The following ZNF142 variants were observed in gnomAD, a reference collection of about 807,000 sequenced individuals.
ZNF142 encodes zinc finger protein 142 (clone pHZ-49).
A neutral mutation model predicts 132.1 loss-of-function variants in ZNF142; 96 were observed. The observed-to-expected ratio is 0.73, with a 90% CI of 0.62 to 0.86. The LOEUF (loss-of-function observed/expected upper bound fraction) is 0.86, where lower values mean the gene tolerates loss of function less well. ZNF142 is among the 40% of genes least tolerant of loss of function. ZNF142 has a pLI of 0.00. For synonymous variants in ZNF142, 842 were observed against 890.1 expected (o/e 0.95, Z 0.96); for missense variants, 2,163 against 2,336.2 (o/e 0.93, Z 1.53).
At position 218,636,720 on chromosome 2, in the gene ZNF142, C is replaced by A; in HGVS notation, c.*1619G>T. 1 of 868,326 alleles carries A rather than the reference C, an allele frequency of 1.2e-6. No individual in the cohort carries two copies. Among genetic ancestry groups the A allele is most frequent in the Non-Finnish European group, 1.8e-6 (1 of 553,058 alleles). The allele number at this position is 868,326 out of a possible 1,614,324, so 53.8% of individuals were successfully genotyped here. ...TAGGCACAAAATTACCTCATTCTTC[C>A]TAACAAGCAATCTGGGACCTGATTT... On this transcript the variant is annotated 3_prime_UTR_variant, in exon 11 of 11. Transcript: ENST00000411696.
chr2:218,641,126 A>G (rs1444019227), intron 9 of ZNF142, among the ~76,000 whole-genome samples: 4 of 152,128 alleles, frequency 2.6e-5, no homozygotes, highest in Admixed American at 1.3e-4. Flanking sequence ...TTTTGTAAAG[A>G]CAGAGTCTCC....
chr2:218,649,875 C>T (rs1353977419), intron 6 of ZNF142, among the ~76,000 whole-genome samples: 1 of 152,200 alleles, frequency 6.6e-6, no homozygotes, highest in East Asian at 1.9e-4. Context: ...CTTACTGGCT[C>T]ACAGGCTCTA....
chr2:218,652,167 T>TG lies in ZNF142; in HGVS notation c.413dup (p.Cys139MetfsTer24), dbSNP rs1433189802. The TG allele has an allele frequency of 2.2e-6, 1 of 454,480 alleles. No individual in the cohort carries two copies. The highest frequency in any genetic ancestry group is 4.4e-6 in the Non-Finnish European group (1 of 225,640). 28.2% of individuals were successfully genotyped at this position (454,480 alleles called of 1,614,324 possible). On this transcript the variant is annotated frameshift_variant, in exon 5 of 11. Coordinates refer to ENST00000411696, the MANE Select transcript of ZNF142 (RefSeq NM_001379659.1). LOFTEE classifies it high-confidence loss of function. ...TGCTGGGAGGCAGCTCTACAGAGCA[T>TG]GGGGGGCTAGAGAGGCCCTGCACAG...
intron 4 of ZNF142, 41 bp downstream of exon 4, chr2:218,656,109 A>G (rs757282248): frequency 6.8e-7 from 1 of 1,462,766 alleles, no homozygotes; most frequent in African/African-American, 1.4e-5. Flanking sequence ...AAAACCTCAG[A>G]GCTGCTTGTC....
At chr2:218,650,297 C>A (rs1937859112) in intron 6 of ZNF142, 62 bp downstream of exon 6, 5 of 1,601,182 alleles carry the variant, frequency 3.1e-6, no homozygotes, top group Non-Finnish European at 4.3e-6. Flanking sequence ...GCCTCAATGG[C>A]AGGGTTTCAA....
rs1461789243 is a variant in ZNF142 at position 218,659,433 on chromosome 2, G to A, written c.-426C>T. ...CGGCCGCGGCTGGAACGGCCCCCGG[G>A]GCCCGCTTTGTGCGACCGCCTCCGG... On this transcript the variant is annotated 5_prime_UTR_variant, in exon 1 of 11. Coordinates refer to ENST00000411696, the MANE Select transcript of ZNF142 (RefSeq NM_001379659.1). The surrounding 1 kb of genome is among the most constrained non-coding windows in gnomAD (Gnocchi z 4.4). 1 of 152,276 alleles carries A rather than the reference G, an allele frequency of 6.6e-6. No homozygotes were observed. The highest frequency in any genetic ancestry group is 1.5e-5 in the Non-Finnish European group (1 of 68,094). The allele number at this position is 152,276 out of a possible 1,614,324, so 9.4% of individuals were successfully genotyped here.
At position 218,650,520 on chromosome 2, in the gene ZNF142, T is replaced by A. The variant is rs1234609582; in HGVS notation, c.887A>T (p.Lys296Ile). 7.6e-6 allele frequency: 12 copies of A among 1,580,540 alleles called. No homozygotes were observed. In the Admixed American group the frequency reaches 2.2e-4, roughly 29 times the overall value. The change falls in exon 6 of 11, where the codon AAA (lysine) becomes ATA (isoleucine). Residue 296 changes from lysine to isoleucine, a missense_variant. By Grantham distance (102) the Lys-to-Ile change is moderately radical (BLOSUM62 -3). Coordinates refer to ENST00000411696, the MANE Select transcript of ZNF142 (RefSeq NM_001379659.1). ...AGGTTCTCTCTCTCCTGGAGGCAGT[T>A]TGGGAGCTGGAGATACATAAAACTT... ...LPSQELLPAP[K>I]LPPGEREPSQ...
Position 218,638,622 on chromosome 2 carries a change from A to G in ZNF142, c.5381T>C (p.Val1794Ala). Residue 1794 changes from valine (V) to alanine (A), a missense_variant, in exon 11 of 11, where the codon GTG becomes GCG. Transcript: ENST00000411696. Reference protein sequence around the residue: ...LRKHSEAKPYVCNVCHRAFRW... With the variant: ...LRKHSEAKPYACNVCHRAFRW... ...GAAAGCACGGTGGCACACATTGCACACATAGGGTTTGGCCTCACTGTGCTT... is the reference window on the plus strand; with the variant it reads ...GAAAGCACGGTGGCACACATTGCACGCATAGGGTTTGGCCTCACTGTGCTT... The G allele has an allele frequency of 6.2e-7, 1 of 1,614,238 alleles. No individual in the cohort carries two copies. Among genetic ancestry groups the G allele is most frequent in the South Asian group, 1.1e-5 (1 of 91,084 alleles).
In ZNF142 at chr2:218,638,396, C is replaced by G; in HGVS notation, c.5607G>C (p.Gln1869His). 1 of 1,534,968 alleles carries G rather than the reference C, an allele frequency of 6.5e-7. No homozygotes were observed. Among genetic ancestry groups the G allele is most frequent in the East Asian group, 2.3e-5 (1 of 44,052 alleles). Reference sequence around the variant, plus strand: ...GAGCAGGAGGGCTGGGATCCTCCAGCTGCACATCATGCAGGTGCACTGTGG... The same window carrying G: ...GAGCAGGAGGGCTGGGATCCTCCAGGTGCACATCATGCAGGTGCACTGTGG... ...TTPTVHLHDVQLEDPSPPAPA... is the reference protein window; with the variant it reads ...TTPTVHLHDVHLEDPSPPAPA... Residue 1869 changes from glutamine to histidine, a missense_variant, in exon 11 of 11, where the codon CAG (glutamine) becomes CAC (histidine). Transcript: ENST00000411696.
At position 218,643,492 on chromosome 2, in the gene ZNF142, T is replaced by C. The variant is rs1697434658; in HGVS notation, c.3624A>G (p.Gly1208=). 1.2e-6 allele frequency: 2 copies of C among 1,613,792 alleles called. No individual in the cohort carries two copies. Among genetic ancestry groups the C allele is most frequent in the African/African-American group, 2.7e-5 (2 of 74,854 alleles). The stretch of plus-strand genomic sequence containing the variant: ...TCAGGGCCTCTGTGGGTGAGGAGTT[T>C]CCTGCAGGAGGGACTGGGTCAAGGT... ...KHHLDPVPPA[G]NSSPTEALKK... Residue 1208 remains glycine (G), a synonymous_variant, in exon 9 of 11, where the codon GGA becomes GGG. Transcript: ENST00000411696.
rs1417075466 is a variant in ZNF142, at chr2:218,636,006, G to A, written c.*2333C>T. On this transcript the variant is annotated 3_prime_UTR_variant, in exon 11 of 11. Transcript: ENST00000411696. ...TTCCTTCTAGTCTGTCTTCCATTAA[G>A]TATAGCATCTGTTATTGCATGTCCC... The A allele has an allele frequency of 6.2e-7, 1 of 1,600,732 alleles. No individual in the cohort carries two copies. Among genetic ancestry groups the A allele is most frequent in the East Asian group, 2.2e-5 (1 of 44,768 alleles).
chr2:218,634,619 C>T lies in ZNF142; in HGVS notation c.*3720G>A, dbSNP rs558899268. Reference sequence around the variant, plus strand: ...CATCAGCCCTTTCAAAGCCCAGACTCTCTTAATCCAGGTACAGTGGAAATA... The same window carrying T: ...CATCAGCCCTTTCAAAGCCCAGACTTTCTTAATCCAGGTACAGTGGAAATA... On this transcript the variant is annotated 3_prime_UTR_variant, in exon 11 of 11. Transcript: ENST00000411696. This position sits in a 1 kb window ranked among gnomAD's most constrained non-coding sequence, Gnocchi z 4.0. The T allele has an allele frequency of 4.3e-5, 70 of 1,613,618 alleles. No homozygotes were observed. The highest frequency in any genetic ancestry group is 4.3e-4 in the South Asian group (39 of 91,030).
chr2:218,657,933 A>C (rs751188660), intron 3 of ZNF142, among the ~76,000 whole-genome samples: 1 of 152,212 alleles, frequency 6.6e-6, no homozygotes, highest in Admixed American at 6.5e-5. Flanking sequence ...AACGAACACA[A>C]ATCACCCACA....
At chr2:218,657,894 T>C (rs765943613) in intron 3 of ZNF142, among the ~76,000 whole-genome samples, 1 of 152,174 alleles carries the variant, frequency 6.6e-6, no homozygotes, top group Non-Finnish European at 1.5e-5. Flanking sequence ...TTCAATGATA[T>C]TACTTTGTGA....
Position 218,643,108 on chromosome 2 carries a change from G to C in ZNF142, c.4008C>G (p.His1336Gln). The C allele has an allele frequency of 3.7e-6, 6 of 1,612,446 alleles. No individual in the cohort carries two copies. The highest frequency in any genetic ancestry group is 5.1e-6 in the Non-Finnish European group (6 of 1,179,322). ...GCPLEESGELHCSLCPFTAPA... is the reference protein window; with the variant it reads ...GCPLEESGELQCSLCPFTAPA... ...GAGCAGTGAATGGGCAGAGGCTGCAGTGCAGCTCTCCAGACTCCTCGAGGG... is the reference window on the plus strand; with the variant it reads ...GAGCAGTGAATGGGCAGAGGCTGCACTGCAGCTCTCCAGACTCCTCGAGGG... The change falls in exon 9 of 11, where the codon CAC (histidine) becomes CAG (glutamine). Residue 1336 changes from histidine (H) to glutamine (Q), a missense_variant. His to Gln is a conservative substitution (Grantham distance 24, BLOSUM62 0). Transcript: ENST00000411696.
At chr2:218,658,541 C>CA (rs58087956) in intron 3 of ZNF142, among the ~76,000 whole-genome samples, 160 bp downstream of exon 3, 19,556 of 144,856 alleles carry the variant, frequency 0.14, 2,472 homozygotes, top group African/African-American at 0.35. Flanking sequence ...AACTCCGTCT[C>CA]AAAAAAAAAA....
rs540993510 is a variant in ZNF142 at position 218,642,167 on chromosome 2, C to T, written c.4949G>A (p.Arg1650His). The change falls in exon 9 of 11, where the codon CGT (arginine) becomes CAT (histidine). Residue 1650 changes from arginine (R) to histidine (H), a missense_variant. Arg to His is a conservative substitution (Grantham distance 29, BLOSUM62 0). This residue lies in a region of ZNF142 where 325 missense variants were observed against 367.8 expected (regional missense o/e 0.88). Coordinates refer to ENST00000411696, the MANE Select transcript of ZNF142 (RefSeq NM_001379659.1). The surrounding 1 kb of genome is among the most constrained non-coding windows in gnomAD (Gnocchi z 4.6). ...AGCACAATCGGTGCACTTGTAGAGA[C>T]GAGTGCCCCCATGCCCTTTCACATG... ...DHHVKGHGGT[R>H]LYKCTDCAYS... 1.9e-5 allele frequency: 30 copies of T among 1,614,172 alleles called. No individual in the cohort carries two copies. The African/African-American group carries it at 2.0e-4, about 11-fold the overall frequency.
In ZNF142 at chr2:218,643,034, G is replaced by A. The variant is rs752571915; in HGVS notation, c.4082C>T (p.Ala1361Val). The change falls in exon 9 of 11, where the codon GCA (alanine) becomes GTA (valine). Residue 1361 changes from alanine (A) to valine (V), a missense_variant. Physicochemically the swap from Ala to Val is moderately conservative, Grantham distance 64. Transcript: ENST00000411696. Reference protein sequence around the residue: ...RLHQKRRHPTAAPARGPRPHL... With the variant: ...RLHQKRRHPTVAPARGPRPHL... ...GGGCCGGGGCCCACGGGCTGGGGCT[G>A]CAGTGGGGTGCCTCCGCTTCTGGTG... is the stretch of plus-strand genomic sequence containing the variant. The A allele has an allele frequency of 1.3e-6, 2 of 1,599,064 alleles. No individual in the cohort carries two copies. The highest frequency in any genetic ancestry group is 1.8e-5 in the Admixed American group (1 of 57,076).
intron 8 of ZNF142, among the ~76,000 whole-genome samples, chr2:218,645,279 G>A (rs1697638576): frequency 1.3e-5 from 2 of 152,122 alleles, no homozygotes; most frequent in Non-Finnish European, 2.9e-5. Flanking sequence ...CCTAAGGTTG[G>A]TTACAAAGTA....
Sources: allele counts gnomAD v4.1 joint callset (sites outside exome capture counted in the v4.1 genomes callset), GRCh38; gene constraint gnomAD v4.1.1; regional missense constraint gnomAD v4.1.1; non-coding constraint Gnocchi (gnomAD v3.1); transcripts MANE v1.5; gene names NCBI Gene and HGNC (gene_info 2026-07-23, HGNC 2026-07-21).